Variants in WDFY1 observed in about 807,000 individuals in gnomAD.
WDFY1 encodes the protein WD repeat and FYVE domain-containing protein 1.
Under a neutral mutation model 56.4 loss-of-function variants are expected in WDFY1, and 32 were observed. That is an observed-to-expected ratio of 0.57 (90% confidence interval 0.43 to 0.76). The LOEUF is 0.76. Among genes scored for constraint, WDFY1 ranks in the 30% least tolerant of loss-of-function variants. The pLI is 0.00. For synonymous variants in WDFY1, 192 were observed against 197.3 expected, an observed-to-expected ratio of 0.97 and a Z score of 0.23; for missense variants, 480 against 545.7, an observed-to-expected ratio of 0.88 and a Z score of 1.20.
chr2:223,878,835 A>T (rs868639545), intron 11 of WDFY1, 105 bp from the exon 12 acceptor site: 14 of 1,354,824 alleles, frequency 1.0e-5, no homozygotes, highest in African/African-American at 2.9e-5. Flanking sequence ...AAAGGTGTCA[A>T]ATTAATGAAT....
intron 10 of WDFY1, 53 bp from the exon 11 acceptor site, chr2:223,880,285 G>C (rs1441956075): frequency 5.2e-6 from 8 of 1,536,452 alleles, no homozygotes; most frequent in Middle Eastern, 1.8e-4. Context: ...CCTAGAGCTA[G>C]TGGGGTAAGC....
chr2:223,943,514 A>G (rs1689349399), intron 1 of WDFY1, among the ~76,000 whole-genome samples: 1 of 152,204 alleles, frequency 6.6e-6, no homozygotes, highest in African/African-American at 2.4e-5. Flanking sequence ...AAAAGGTATA[A>G]TTACAAAAGG....
At chr2:223,930,072 T>C (rs1451835716) in intron 1 of WDFY1, among the ~76,000 whole-genome samples, 1 of 152,212 alleles carries the variant, frequency 6.6e-6, no homozygotes, top group Non-Finnish European at 1.5e-5. Context: ...AGTTCAGGTC[T>C]AACTTCAAAG....
At chr2:223,888,287 T>A (rs1693206580) in intron 8 of WDFY1, among the ~76,000 whole-genome samples, 1 of 152,110 alleles carries the variant, frequency 6.6e-6, no homozygotes, top group Non-Finnish European at 1.5e-5. Context: ...CTGCTCAGGC[T>A]GAACTCCTGG....
chr2:223,939,145 G>A (rs990995327), intron 1 of WDFY1, among the ~76,000 whole-genome samples: 2 of 152,104 alleles, frequency 1.3e-5, no homozygotes, highest in African/African-American at 4.8e-5. Flanking sequence ...CAGCATCAAC[G>A]TCACCTGGAA....
chr2:223,921,754 CTGTTGCTCATT>C (rs1162747018), intron 1 of WDFY1, among the ~76,000 whole-genome samples: 1 of 152,178 alleles, frequency 6.6e-6, no homozygotes, highest in African/African-American at 2.4e-5. Context: ...CCACACCTGG[CTGTTGCTCATT>C]CCTTTGGGTG....
intron 1 of WDFY1, among the ~76,000 whole-genome samples, chr2:223,935,529 T>G (rs1031727479): frequency 2.0e-5 from 3 of 152,226 alleles, no homozygotes; most frequent in Non-Finnish European, 4.4e-5. Flanking sequence ...GAAACAAGTA[T>G]CATTCATTAT....
intron 1 of WDFY1, among the ~76,000 whole-genome samples, chr2:223,927,030 T>A (rs1431539745): frequency 6.6e-6 from 1 of 152,202 alleles, no homozygotes; most frequent in Non-Finnish European, 1.5e-5. Flanking sequence ...ACAATGGGCC[T>A]AAAATATTCA....
intron 1 of WDFY1, among the ~76,000 whole-genome samples, chr2:223,941,934 T>C (rs1689311519): frequency 1.3e-5 from 2 of 151,844 alleles, no homozygotes; most frequent in Admixed American, 6.6e-5. Context: ...ACTAAAAAGG[T>C]TGTTCTCCCT....
At chr2:223,903,930 TTTA>T (rs1693554910) in intron 4 of WDFY1, among the ~76,000 whole-genome samples, 2 of 152,034 alleles carry the variant, frequency 1.3e-5, no homozygotes, top group Admixed American at 6.6e-5. Context: ...GATGAAATAA[TTTA>T]TTAAGGAATT....
intron 1 of WDFY1, among the ~76,000 whole-genome samples, chr2:223,921,747 C>T (rs1258914539): frequency 3.3e-5 from 5 of 152,304 alleles, no homozygotes; most frequent in African/African-American, 4.8e-5. Flanking sequence ...TGTACCACCA[C>T]ACCTGGCTGT....
chr2:223,929,017 A>AGGCAGAGCC (rs1398824371), intron 1 of WDFY1, among the ~76,000 whole-genome samples: 1 of 152,210 alleles, frequency 6.6e-6, no homozygotes, highest in East Asian at 1.9e-4. Context: ...AGTGAGCAGA[A>AGGCAGAGCC]GGCAGAGCCA....
At chr2:223,929,189 G>GT (rs566936287) in intron 1 of WDFY1, among the ~76,000 whole-genome samples, 428 of 28,932 alleles carry the variant, frequency 0.015, 4 homozygotes, top group Middle Eastern at 0.14. Flanking sequence ...TCTGTTTTTT[G>GT]TTTTTTTTTT....
chr2:223,879,394 G>A (rs1487503072), intron 11 of WDFY1, among the ~76,000 whole-genome samples: 2 of 152,026 alleles, frequency 1.3e-5, no homozygotes, highest in East Asian at 3.9e-4. Context: ...GGTGGATCAT[G>A]CCTATAATCC....
intron 4 of WDFY1, among the ~76,000 whole-genome samples, chr2:223,901,900 A>G (rs1204509393): frequency 6.6e-6 from 1 of 152,236 alleles, no homozygotes; most frequent in Admixed American, 6.5e-5. Flanking sequence ...AAGCTTTTGT[A>G]AAGTTCTCTG....
At chr2:223,941,694 T>C (rs1220606147) in intron 1 of WDFY1, among the ~76,000 whole-genome samples, 1 of 152,160 alleles carries the variant, frequency 6.6e-6, no homozygotes, top group Non-Finnish European at 1.5e-5. Flanking sequence ...ACACACGTGC[T>C]GGGATTACAG....
chr2:223,938,215 ATGCAACAG>A (rs1322749208), intron 1 of WDFY1, among the ~76,000 whole-genome samples: 1 of 152,230 alleles, frequency 6.6e-6, no homozygotes, highest in Admixed American at 6.5e-5. Flanking sequence ...CGAGCCCCTA[ATGCAACAG>A]TATAAGTACG....
intron 11 of WDFY1, 140 bp from the exon 12 acceptor site, chr2:223,878,870 A>G: frequency 8.9e-7 from 1 of 1,126,828 alleles, no homozygotes; most frequent in Middle Eastern, 2.0e-4. Flanking sequence ...CTTTCATAAC[A>G]CCTCCTTAAG....
intron 1 of WDFY1, among the ~76,000 whole-genome samples, chr2:223,920,428 T>G (rs1234250390): frequency 6.6e-6 from 1 of 152,214 alleles, no homozygotes; most frequent in Non-Finnish European, 1.5e-5. Flanking sequence ...GAAGGAAATA[T>G]TAATAACATG....
Sources: allele counts gnomAD v4.1 joint callset (sites outside exome capture counted in the v4.1 genomes callset), GRCh38; gene constraint gnomAD v4.1.1; transcripts MANE v1.5; gene names NCBI Gene and HGNC (gene_info 2026-07-23, HGNC 2026-07-21).